Variants in ANGPT1 observed in about 807,000 individuals in gnomAD.
ANGPT1 encodes the protein angiopoietin 1.
In ANGPT1, 17 loss-of-function variants were observed where a neutral mutation model predicts 62.2. That is an observed-to-expected ratio of 0.27 (90% CI 0.19 to 0.41). The LOEUF (loss-of-function observed/expected upper bound fraction) is 0.41. Ranked by LOEUF, ANGPT1 falls within the 10% of genes least tolerant of loss-of-function variation. The pLI, the probability that ANGPT1 is intolerant of heterozygous loss-of-function variation, is 1.00. For missense variants in ANGPT1, 478 were observed against 594.9 expected, an observed-to-expected ratio of 0.80 and a Z score of 2.04; for synonymous variants, 199 against 198.9, an observed-to-expected ratio of 1.00 and a Z score of 0.00.
chr8:107,259,655 G>C (rs910507837), intron 8 of ANGPT1, among the ~76,000 whole-genome samples: 1 of 152,050 alleles, frequency 6.6e-6, no homozygotes, highest in Non-Finnish European at 1.5e-5. Flanking sequence ...ATGTAAAACG[G>C]TAACATATTT....
chr8:107,458,055 T>A (rs1275264607), intron 1 of ANGPT1, among the ~76,000 whole-genome samples: 1 of 152,088 alleles, frequency 6.6e-6, no homozygotes, highest in African/African-American at 2.4e-5. Flanking sequence ...CAGTTTCAAG[T>A]TTCTGAAACT....
At chr8:107,433,370 C>T (rs1483426325) in intron 1 of ANGPT1, among the ~76,000 whole-genome samples, 1 of 152,094 alleles carries the variant, frequency 6.6e-6, no homozygotes, top group Non-Finnish European at 1.5e-5. Flanking sequence ...CCCTAGGAAA[C>T]CATGGTTGCC....
At chr8:107,481,331 G>A (rs185533459) in intron 1 of ANGPT1, among the ~76,000 whole-genome samples, 3 of 151,802 alleles carry the variant, frequency 2.0e-5, no homozygotes, top group Admixed American at 6.6e-5. Context: ...TCAAGAGATC[G>A]AAACCATCCT....
intron 1 of ANGPT1, among the ~76,000 whole-genome samples, chr8:107,431,820 A>C (rs576443225): frequency 6.6e-6 from 1 of 152,278 alleles, no homozygotes; most frequent in Admixed American, 6.5e-5. Context: ...TCATAAACCA[A>C]GTCTTTGCAG....
At chr8:107,463,245 C>T (rs1812117490) in intron 1 of ANGPT1, among the ~76,000 whole-genome samples, 2 of 152,180 alleles carry the variant, frequency 1.3e-5, no homozygotes, top group South Asian at 4.1e-4. Flanking sequence ...AAGCTGAATC[C>T]GAGTGAGCTT....
chr8:107,452,699 G>T (rs890862551), intron 1 of ANGPT1, among the ~76,000 whole-genome samples: 32 of 151,986 alleles, frequency 2.1e-4, no homozygotes, highest in African/African-American at 6.0e-4. Flanking sequence ...TCCAGAATTT[G>T]CATTAACTTG....
At chr8:107,337,243 G>A (rs1350493780) in intron 2 of ANGPT1, among the ~76,000 whole-genome samples, 3 of 152,076 alleles carry the variant, frequency 2.0e-5, no homozygotes, top group Admixed American at 6.6e-5. Flanking sequence ...TTAAGGAGAC[G>A]GTGAGTCAAA....
chr8:107,449,794 C>T (rs1200949025), intron 1 of ANGPT1, among the ~76,000 whole-genome samples: 1 of 152,032 alleles, frequency 6.6e-6, no homozygotes, highest in Non-Finnish European at 1.5e-5. Flanking sequence ...TACGTATTAA[C>T]TCATAGAAAT....
At chr8:107,463,029 A>T (rs1003664846) in intron 1 of ANGPT1, among the ~76,000 whole-genome samples, 15 of 152,152 alleles carry the variant, frequency 9.9e-5, no homozygotes, top group African/African-American at 3.6e-4. Context: ...CGGTGCATGG[A>T]CAAGATTGAG....
chr8:107,275,224 C>A (rs1035743456), intron 7 of ANGPT1, among the ~76,000 whole-genome samples: 3 of 151,872 alleles, frequency 2.0e-5, no homozygotes, highest in Non-Finnish European at 2.9e-5. Flanking sequence ...AGCAATATTG[C>A]CCCCAGAGGC....
rs540048529 is a variant in ANGPT1 at position 107,356,887 on chromosome 8, C to T, written c.298-9790G>A. On this transcript the variant is annotated intron_variant, in intron 1 of 8. Coordinates refer to ENST00000517746, the MANE Select transcript of ANGPT1 (RefSeq NM_001146.5). ...AAGGCAAAGACAGATAATTTCTGTG[C>T]ACTTTACCATATTTTCAGACATAGT... Among the ~76,000 whole-genome samples, 76 of 152,304 alleles carry T rather than the reference C, an allele frequency of 5.0e-4. 1 individual carries two copies. The highest frequency in any genetic ancestry group is 1.0e-3 in the Non-Finnish European group (70 of 68,026).
At chr8:107,263,001 A>T (rs1224269014) in intron 8 of ANGPT1, among the ~76,000 whole-genome samples, 1 of 152,180 alleles carries the variant, frequency 6.6e-6, no homozygotes, top group Non-Finnish European at 1.5e-5. Context: ...ATGCATTCTA[A>T]AATGCAAGTT....
intron 1 of ANGPT1, among the ~76,000 whole-genome samples, chr8:107,431,549 C>T (rs898598250): frequency 6.6e-6 from 1 of 152,172 alleles, no homozygotes; most frequent in Non-Finnish European, 1.5e-5. Flanking sequence ...ATGCCCTCTT[C>T]CAGGAATGTC....
intron 1 of ANGPT1, among the ~76,000 whole-genome samples, chr8:107,454,380 A>G (rs900031493): frequency 2.6e-5 from 4 of 152,040 alleles, no homozygotes; most frequent in Non-Finnish European, 5.9e-5. Flanking sequence ...TATTCTATTT[A>G]TTTGTTAAAA....
intron 5 of ANGPT1, among the ~76,000 whole-genome samples, chr8:107,299,391 G>GTA (rs59247214): frequency 0.039 from 4,356 of 112,422 alleles, 122 homozygotes; most frequent in African/African-American, 0.086. Flanking sequence ...ATGAAGGAGT[G>GTA]TATATATATA....
At chr8:107,456,158 G>A (rs1811912490) in intron 1 of ANGPT1, among the ~76,000 whole-genome samples, 1 of 152,038 alleles carries the variant, frequency 6.6e-6, no homozygotes, top group Admixed American at 6.6e-5. Context: ...CCTTTGTGTT[G>A]TTATGTTTAA....
chr8:107,300,370 C>T (rs1034300324), intron 5 of ANGPT1, among the ~76,000 whole-genome samples: 23 of 151,598 alleles, frequency 1.5e-4, no homozygotes, highest in African/African-American at 5.6e-4. Flanking sequence ...GTATGTATGT[C>T]AGTCTGAAAT....
intron 8 of ANGPT1, among the ~76,000 whole-genome samples, chr8:107,253,904 G>A (rs943205505): frequency 2.0e-5 from 3 of 152,314 alleles, no homozygotes; most frequent in East Asian, 1.9e-4. Context: ...TGTTTGCAAT[G>A]AGTAGAATGG....
chr8:107,324,780 A>T (rs1815247178), intron 3 of ANGPT1, among the ~76,000 whole-genome samples: 1 of 152,170 alleles, frequency 6.6e-6, no homozygotes, highest in Non-Finnish European at 1.5e-5. Context: ...GCACACATTC[A>T]CATAAGAAAG....
Sources: gnomAD v4.1 joint callset for allele counts (sites outside exome capture counted in the v4.1 genomes callset) on GRCh38, gnomAD v4.1.1 for gene constraint, MANE v1.5 for transcripts, NCBI Gene and HGNC (gene_info 2026-07-23, HGNC 2026-07-21) for gene names.